Variants in C12orf42 observed in about 807,000 individuals in gnomAD.
C12orf42 encodes uncharacterized protein C12orf42.
In C12orf42, 25 loss-of-function variants were observed where a neutral mutation model predicts 21.6. The ratio of observed to expected loss-of-function variants is 1.16; its 90% CI spans 0.84 to 1.62. C12orf42 has a LOEUF of 1.62. C12orf42 is among the 40% of genes most tolerant of loss of function. C12orf42 has a pLI of 0.00. For synonymous variants in C12orf42, 174 were observed against 175.0 expected (o/e 0.99, Z 0.05); for missense variants, 483 against 459.3 (o/e 1.05, Z -0.47).
At chr12:103,143,197 G>T in the C12orf42 span, among the ~76,000 whole-genome samples, 1 of 152,216 alleles carries the variant, frequency 6.6e-6, no homozygotes, top group Non-Finnish European at 1.5e-5. Context: ...ACACTGTGGG[G>T]TGTCCTCTTT....
chr12:103,104,438 T>C, the C12orf42 span, among the ~76,000 whole-genome samples: 3 of 152,078 alleles, frequency 2.0e-5, no homozygotes, highest in Admixed American at 6.5e-5. Context: ...TTTGTTGTTG[T>C]TTGTTTATTT....
the C12orf42 span, among the ~76,000 whole-genome samples, chr12:103,528,122 T>A: frequency 1.3e-5 from 2 of 152,174 alleles, no homozygotes; most frequent in Non-Finnish European, 2.9e-5. Flanking sequence ...ATGGGATGAA[T>A]GAATCAATGA....
chr12:103,074,422 G>A, the C12orf42 span, among the ~76,000 whole-genome samples: 1 of 152,120 alleles, frequency 6.6e-6, no homozygotes, highest in African/African-American at 2.4e-5. Flanking sequence ...ATGAAGTGGA[G>A]CCTGGGGAAT....
chr12:103,210,339 A>AT, the C12orf42 span, among the ~76,000 whole-genome samples: 2 of 152,144 alleles, frequency 1.3e-5, no homozygotes, highest in South Asian at 2.1e-4. Flanking sequence ...CCATTTCCAA[A>AT]TTTTTTTATA....
chr12:103,424,242 T>G (rs1396686325), intron 2 of C12orf42, among the ~76,000 whole-genome samples: 1 of 152,256 alleles, frequency 6.6e-6, no homozygotes, highest in Non-Finnish European at 1.5e-5. Context: ...CTAATGAATC[T>G]ACGAACTGAA....
At chr12:103,350,280 C>T (rs933570292) in intron 4 of C12orf42, among the ~76,000 whole-genome samples, 3 of 152,150 alleles carry the variant, frequency 2.0e-5, no homozygotes, top group Non-Finnish European at 2.9e-5. Context: ...GATGAAATCT[C>T]GTGCCATCTT....
At chr12:103,115,925 G>GT in the C12orf42 span, among the ~76,000 whole-genome samples, 2 of 152,166 alleles carry the variant, frequency 1.3e-5, no homozygotes, top group Non-Finnish European at 2.9e-5. Context: ...TGGACTTGGC[G>GT]TTTGGGTTAT....
At chr12:103,522,451 G>A in the C12orf42 span, among the ~76,000 whole-genome samples, 269 of 152,174 alleles carry the variant, frequency 1.8e-3, 2 homozygotes, top group African/African-American at 5.9e-3. Context: ...AGCTATGCCC[G>A]GGAGCCATTT....
At chr12:103,461,523 G>A (rs1160358723) in intron 2 of C12orf42, among the ~76,000 whole-genome samples, 1 of 152,202 alleles carries the variant, frequency 6.6e-6, no homozygotes, top group Non-Finnish European at 1.5e-5. Context: ...GTACAGACAT[G>A]TGAACATAAA....
intron 3 of C12orf42, among the ~76,000 whole-genome samples, chr12:103,395,824 AAT>A (rs2047483020): frequency 6.6e-6 from 1 of 151,236 alleles, no homozygotes; most frequent in Non-Finnish European, 1.5e-5. Flanking sequence ...ATTATAACAT[AAT>A]AGTTATAAAA....
chr12:103,143,941 T>C, the C12orf42 span, among the ~76,000 whole-genome samples: 2 of 152,230 alleles, frequency 1.3e-5, no homozygotes, highest in Non-Finnish European at 2.9e-5. Context: ...CTACGACTGC[T>C]GCTAATCATC....
At chr12:103,100,312 G>A in the C12orf42 span, among the ~76,000 whole-genome samples, 1 of 152,226 alleles carries the variant, frequency 6.6e-6, no homozygotes, top group Non-Finnish European at 1.5e-5. Context: ...GCTGGACAAT[G>A]GAGGAGGACA....
chr12:103,255,940 C>A (rs1048937145), intron 10 of C12orf42, among the ~76,000 whole-genome samples: 1 of 148,528 alleles, frequency 6.7e-6, no homozygotes, highest in Non-Finnish European at 1.5e-5. Flanking sequence ...GTAGTCCCAG[C>A]TACTCGGGAG....
intron 2 of C12orf42, among the ~76,000 whole-genome samples, chr12:103,408,438 T>G (rs960965197): frequency 6.6e-6 from 1 of 152,122 alleles, no homozygotes; most frequent in East Asian, 1.9e-4. Flanking sequence ...AACTTTAAAT[T>G]CAAAAGCATC....
chr12:103,225,133 C>G, the C12orf42 span, among the ~76,000 whole-genome samples: 1 of 152,118 alleles, frequency 6.6e-6, no homozygotes, highest in African/African-American at 2.4e-5. Context: ...ACAAGGGGTG[C>G]AGGGGAATAG....
At chr12:103,392,595 A>ATGAAATTGT (rs779750793) in intron 3 of C12orf42, among the ~76,000 whole-genome samples, 9 of 137,758 alleles carry the variant, frequency 6.5e-5, no homozygotes, top group Non-Finnish European at 9.7e-5. Context: ...GCAATTTTAA[A>ATGAAATTGT]TGAAATTGTT....
chr12:103,188,778 TTCA>T, the C12orf42 span, among the ~76,000 whole-genome samples: 1 of 152,248 alleles, frequency 6.6e-6, no homozygotes, highest in African/African-American at 2.4e-5. Flanking sequence ...TTCTGAAAGC[TTCA>T]TCAGATGTGG....
At chr12:103,226,857 T>C in the C12orf42 span, among the ~76,000 whole-genome samples, 1 of 151,916 alleles carries the variant, frequency 6.6e-6, no homozygotes, top group East Asian at 1.9e-4. Context: ...TTGGGACGAG[T>C]TGCACTGGGC....
At chr12:103,122,658 T>C in the C12orf42 span, among the ~76,000 whole-genome samples, 1 of 151,980 alleles carries the variant, frequency 6.6e-6, no homozygotes, top group Non-Finnish European at 1.5e-5. Flanking sequence ...GCAGGAGAAA[T>C]GTGAGGGCTG....
Sources: gnomAD v4.1 joint callset for allele counts (sites outside exome capture counted in the v4.1 genomes callset) on GRCh38, gnomAD v4.1.1 for gene constraint, MANE v1.5 for transcripts, NCBI Gene and HGNC (gene_info 2026-07-23, HGNC 2026-07-21) for gene names.